CDC73: variants seen among roughly 807,000 people sequenced by gnomAD.
CDC73 encodes the protein cell division cycle 73.
Under a neutral mutation model 83.7 loss-of-function variants are expected in CDC73, and 21 were observed. The ratio of observed to expected loss-of-function variants is 0.25; its 90% CI spans 0.18 to 0.36. The LOEUF (loss-of-function observed/expected upper bound fraction) is 0.36. Among genes scored for constraint, CDC73 ranks in the 10% least tolerant of loss-of-function variants. The pLI, the probability that CDC73 is intolerant of heterozygous loss-of-function variation, is 1.00. For synonymous variants in CDC73, 224 were observed against 212.9 expected (o/e 1.05, Z -0.45); for missense variants, 342 against 653.3 (o/e 0.52, Z 5.19).
At chr1:193,170,552 T>C (rs1676502717) in intron 10 of CDC73, among the ~76,000 whole-genome samples, 1 of 152,236 alleles carries the variant, frequency 6.6e-6, no homozygotes, top group Admixed American at 6.5e-5. Flanking sequence ...GAGCTTGTTT[T>C]CATATGATTG....
intron 10 of CDC73, among the ~76,000 whole-genome samples, chr1:193,168,963 AT>A (rs1460156085): frequency 2.0e-5 from 3 of 151,642 alleles, no homozygotes; most frequent in African/African-American, 4.8e-5. Context: ...GATTATCTAG[AT>A]TTTTTTTTCA....
intron 10 of CDC73, among the ~76,000 whole-genome samples, chr1:193,153,406 A>G (rs945436935): frequency 2.0e-5 from 3 of 152,188 alleles, no homozygotes; most frequent in Non-Finnish European, 4.4e-5. Flanking sequence ...TTAAAATACT[A>G]TGCATGTGTA....
chr1:193,150,973 T>C (rs1288971314), intron 9 of CDC73, among the ~76,000 whole-genome samples: 1 of 152,208 alleles, frequency 6.6e-6, no homozygotes, highest in African/African-American at 2.4e-5. Flanking sequence ...TGTTAAGTCA[T>C]TTTTCCCAAG....
rs551985740 is a variant in CDC73, at chr1:193,247,608, T to C, written c.1418-2122T>C. 3.3e-5 allele frequency among the ~76,000 whole-genome samples: 5 copies of C among 152,156 alleles called. No homozygotes were observed. In the East Asian group the frequency reaches 5.8e-4, roughly 18 times the overall value. ...AGGTCTATTATGCCAAACAGCTAAG[T>C]TGTGAATGCAAAAGAAAACTTCTTC... On this transcript the variant is annotated intron_variant, in intron 15 of 16. Coordinates refer to ENST00000367435, the MANE Select transcript of CDC73 (RefSeq NM_024529.5).
At chr1:193,164,927 A>G (rs900554486) in intron 10 of CDC73, among the ~76,000 whole-genome samples, 20 of 152,322 alleles carry the variant, frequency 1.3e-4, no homozygotes, top group African/African-American at 4.8e-4. Context: ...CTGATTTATC[A>G]CAGGAGAGGT....
At chr1:193,208,317 AACCTTTTTATTTCCGGTGGC>A (rs1264160040) in intron 11 of CDC73, among the ~76,000 whole-genome samples, 1 of 152,212 alleles carries the variant, frequency 6.6e-6, no homozygotes, top group East Asian at 1.9e-4. Context: ...GCCTGGTGTC[AACCTTTTTATTTCCGGTGGC>A]ACCTTTTTAT....
chr1:193,172,975 T>C (rs767093849), intron 10 of CDC73, among the ~76,000 whole-genome samples: 1 of 152,218 alleles, frequency 6.6e-6, no homozygotes, highest in African/African-American at 2.4e-5. Context: ...TCAAAAAATA[T>C]GAATACTATA....
Position 193,140,525 on chromosome 1 carries a change from G to A in CDC73, c.513-1325G>A, listed in dbSNP as rs188273233. On this transcript the variant is annotated intron_variant, in intron 6 of 16. Transcript: ENST00000367435. Reference sequence around the variant, plus strand: ...GAAGCACTTTGGCAGTGGCATATGCGAATTGCTGGCATCACTACTCTTGTG... The same window carrying A: ...GAAGCACTTTGGCAGTGGCATATGCAAATTGCTGGCATCACTACTCTTGTG... 2.4e-3 allele frequency among the ~76,000 whole-genome samples: 364 copies of A among 152,232 alleles called. 2 individuals carry two copies. The highest frequency in any genetic ancestry group is 7.7e-3 in the African/African-American group (319 of 41,540).
At chr1:193,154,190 G>A (rs1350250918) in intron 10 of CDC73, among the ~76,000 whole-genome samples, 3 of 152,202 alleles carry the variant, frequency 2.0e-5, no homozygotes, top group African/African-American at 4.8e-5. Context: ...GAGTGAATTA[G>A]TCGTAGAATG....
At chr1:193,168,246 G>C (rs939507176) in intron 10 of CDC73, among the ~76,000 whole-genome samples, 10 of 152,104 alleles carry the variant, frequency 6.6e-5, no homozygotes, top group African/African-American at 1.9e-4. Context: ...ATAAAATTCA[G>C]ATGTCCTTAT....
intron 10 of CDC73, among the ~76,000 whole-genome samples, chr1:193,195,038 T>G (rs1676978905): frequency 6.6e-6 from 1 of 152,142 alleles, no homozygotes; most frequent in Non-Finnish European, 1.5e-5. Context: ...ATGGAGATTG[T>G]TACAATGAAT....
At chr1:193,220,871 A>G (rs904525824) in intron 13 of CDC73, among the ~76,000 whole-genome samples, 2 of 152,166 alleles carry the variant, frequency 1.3e-5, no homozygotes, top group Non-Finnish European at 2.9e-5. Flanking sequence ...TATAACAGAA[A>G]CTGTCAGACT....
intron 10 of CDC73, among the ~76,000 whole-genome samples, chr1:193,161,384 TTTAA>T (rs1676305785): frequency 6.6e-6 from 1 of 151,112 alleles, no homozygotes; most frequent in Non-Finnish European, 1.5e-5. Flanking sequence ...TTACTTTTGT[TTTAA>T]TTAGAGACAA....
chr1:193,242,974 A>G (rs557923007), intron 15 of CDC73, among the ~76,000 whole-genome samples: 16 of 139,268 alleles, frequency 1.1e-4, no homozygotes, highest in Non-Finnish European at 2.3e-4. Context: ...TTTTTTGGAG[A>G]TGGAGTCTTG....
At chr1:193,181,432 T>C (rs1229737377) in intron 10 of CDC73, 2 of 1,614,054 alleles carry the variant, frequency 1.2e-6, no homozygotes, top group African/African-American at 1.3e-5. Context: ...GTCATGATGA[T>C]TGAAAAACAA....
At chr1:193,122,479 G>C (rs1452493534) in intron 1 of CDC73, 148 bp downstream of exon 1, 13 of 1,067,704 alleles carry the variant, frequency 1.2e-5, no homozygotes, top group Non-Finnish European at 1.8e-5. Context: ...TAGAGCAGAA[G>C]TTGCACTTTT....
intron 2 of CDC73, 143 bp from the exon 3 acceptor site, chr1:193,130,031 G>T: frequency 1.6e-6 from 1 of 624,420 alleles, no homozygotes; most frequent in Non-Finnish European, 2.9e-6. Flanking sequence ...GGTTCTTTTA[G>T]CCTAGTCATT....
rs776965442 is a variant in CDC73 at position 193,142,082 on chromosome 1, TA to T, written c.729+17del. 1.1e-5 allele frequency: 17 copies of T among 1,579,628 alleles called. No individual in the cohort carries two copies. Among genetic ancestry groups the T allele is most frequent in the South Asian group, 1.0e-4 (9 of 90,236 alleles). ...CACAGGAAAGGTAATTAAAATATTT[TA>T]CTCATTCATTGGAGTGAGAGAGAGA... is the stretch of plus-strand genomic sequence containing the variant. On this transcript the variant is annotated intron_variant, in intron 7 of 16. Coordinates refer to ENST00000367435, the MANE Select transcript of CDC73 (RefSeq NM_024529.5).
chr1:193,155,948 A>G (rs1171652332), intron 10 of CDC73, among the ~76,000 whole-genome samples: 1 of 152,182 alleles, frequency 6.6e-6, no homozygotes, highest in African/African-American at 2.4e-5. Context: ...TGAAAGGACT[A>G]GTGTTTCATA....
Sources: gnomAD v4.1 joint callset for allele counts (sites outside exome capture counted in the v4.1 genomes callset) on GRCh38, gnomAD v4.1.1 for gene constraint, MANE v1.5 for transcripts, NCBI Gene and HGNC (gene_info 2026-07-23, HGNC 2026-07-21) for gene names.